The following PPP6R3 variants were observed in gnomAD, a reference collection of about 807,000 sequenced individuals.
PPP6R3 encodes serine/threonine-protein phosphatase 6 regulatory subunit 3.
In PPP6R3, 38 loss-of-function variants were observed where a neutral mutation model predicts 110.7. The ratio of observed to expected loss-of-function variants is 0.34; its 90% confidence interval spans 0.26 to 0.45. The LOEUF (loss-of-function observed/expected upper bound fraction) is 0.45, where lower values mean the gene tolerates loss of function less well. Ranked by LOEUF, PPP6R3 falls within the 20% of genes least tolerant of loss-of-function variation. PPP6R3 has a pLI of 1.00. For synonymous variants in PPP6R3, 369 were observed against 373.5 expected, an observed-to-expected ratio of 0.99 and a Z score of 0.14; for missense variants, 870 against 1,062.4, an observed-to-expected ratio of 0.82 and a Z score of 2.52.
At chr11:68,535,684 CG>C (rs1184623734) in intron 2 of PPP6R3, among the ~76,000 whole-genome samples, 2 of 151,460 alleles carry the variant, frequency 1.3e-5, no homozygotes, top group African/African-American at 4.9e-5. Flanking sequence ...TCTGCTTGGC[CG>C]GGCACGGTAA....
At chr11:68,491,995 C>T (rs368773007) in intron 1 of PPP6R3, among the ~76,000 whole-genome samples, 2 of 152,190 alleles carry the variant, frequency 1.3e-5, no homozygotes, top group African/African-American at 4.8e-5. Context: ...CTCCTGCTCC[C>T]GCCCAGACCC....
chr11:68,534,372 A>G (rs913360104), intron 2 of PPP6R3, among the ~76,000 whole-genome samples: 4 of 152,136 alleles, frequency 2.6e-5, no homozygotes, highest in African/African-American at 4.8e-5. Flanking sequence ...TTTTTTCTTA[A>G]AACAACCCTT....
chr11:68,581,975 C>G (rs2099556395), intron 14 of PPP6R3, among the ~76,000 whole-genome samples: 1 of 152,176 alleles, frequency 6.6e-6, no homozygotes, highest in Non-Finnish European at 1.5e-5. Flanking sequence ...CTTGTTCAGG[C>G]AGTGATTTGC....
At chr11:68,507,982 G>T (rs1163760635) in intron 1 of PPP6R3, among the ~76,000 whole-genome samples, 1 of 151,814 alleles carries the variant, frequency 6.6e-6, no homozygotes, top group Non-Finnish European at 1.5e-5. Context: ...GAGGTGGGAG[G>T]ATTGCTTGAG....
At chr11:68,530,700 G>A (rs1211975149) in intron 2 of PPP6R3, among the ~76,000 whole-genome samples, 1 of 152,204 alleles carries the variant, frequency 6.6e-6, no homozygotes, top group East Asian at 1.9e-4. Context: ...ATGCTCTCCT[G>A]TTTGGGTTCT....
intron 1 of PPP6R3, among the ~76,000 whole-genome samples, chr11:68,506,671 A>G (rs1436070288): frequency 1.3e-5 from 2 of 151,890 alleles, no homozygotes; most frequent in African/African-American, 4.8e-5. Context: ...TATCTCAAAG[A>G]AAAAAAACCC....
At chr11:68,548,638 C>G (rs757753552) in intron 5 of PPP6R3, among the ~76,000 whole-genome samples, 1 of 152,036 alleles carries the variant, frequency 6.6e-6, no homozygotes, top group Non-Finnish European at 1.5e-5. Flanking sequence ...GTTGATGTAT[C>G]CAGGGATTCA....
intron 1 of PPP6R3, among the ~76,000 whole-genome samples, chr11:68,477,740 AAATATATATATATAT>A (rs1591685285): frequency 1.4e-5 from 1 of 70,634 alleles, no homozygotes; most frequent in South Asian, 5.3e-4. Context: ...AAAAAAAAAA[AAATATATATATATAT>A]ATATATATAT....
intron 13 of PPP6R3, 66 bp from the exon 14 acceptor site, chr11:68,575,892 T>G: frequency 8.2e-7 from 1 of 1,224,422 alleles, no homozygotes; most frequent in Non-Finnish European, 1.2e-6. Context: ...TATTACCTGC[T>G]TACTTTATTT....
At chr11:68,550,603 CTG>C (rs1370969755) in intron 5 of PPP6R3, among the ~76,000 whole-genome samples, 1 of 152,194 alleles carries the variant, frequency 6.6e-6, no homozygotes, top group Non-Finnish European at 1.5e-5. Context: ...AACTCTGCCT[CTG>C]TGCTTCCTCC....
In PPP6R3 at chr11:68,588,016, C is replaced by T. The variant is rs1486073222; in HGVS notation, c.1722C>T (p.Asp574=). The T allele has an allele frequency of 7.4e-6, 12 of 1,613,208 alleles. No homozygotes were observed. Among genetic ancestry groups the T allele is most frequent in the Non-Finnish European group, 1.0e-5 (12 of 1,179,238 alleles). ...ATGAGAAGTTTGCAGATCAAGATGA[C>T]ATTGGCAAGTGAGTATGTTTTTCTG... ...FNDEKFADQD[D]IGNVSFDRVS... is the part of the protein sequence containing the mutation. The change falls in exon 16 of 24, where the codon GAC becomes GAT. Residue 574 remains aspartate, a synonymous_variant. Transcript: ENST00000393800.
intron 1 of PPP6R3, among the ~76,000 whole-genome samples, chr11:68,464,237 G>A (rs10047483): frequency 0.31 from 46,407 of 151,906 alleles, 7,835 homozygotes; most frequent in African/African-American, 0.44. Flanking sequence ...GGTTCAAGCA[G>A]TTCTCTGCCT....
chr11:68,537,503 G>T (rs755691760), intron 2 of PPP6R3, among the ~76,000 whole-genome samples, 156 bp from the exon 3 acceptor site: 2 of 152,040 alleles, frequency 1.3e-5, no homozygotes, highest in African/African-American at 2.4e-5. Context: ...TGCCAGTAAC[G>T]CATTAAAAAG....
intron 1 of PPP6R3, among the ~76,000 whole-genome samples, chr11:68,517,400 A>G (rs958549987): frequency 1.3e-5 from 2 of 152,192 alleles, no homozygotes; most frequent in Admixed American, 6.5e-5. Flanking sequence ...TGACAGCCTC[A>G]GTATCTATGA....
chr11:68,469,381 G>T (rs2098772865), intron 1 of PPP6R3, among the ~76,000 whole-genome samples: 1 of 151,834 alleles, frequency 6.6e-6, no homozygotes, highest in Non-Finnish European at 1.5e-5. Flanking sequence ...TCCCAGGCTA[G>T]AGTGCAGTGG....
At chr11:68,478,423 A>C (rs1253938620) in intron 1 of PPP6R3, among the ~76,000 whole-genome samples, 1 of 152,090 alleles carries the variant, frequency 6.6e-6, no homozygotes, top group African/African-American at 2.4e-5. Context: ...TTTTCCCACT[A>C]AAGTATATAT....
intron 19 of PPP6R3, 85 bp from the exon 20 acceptor site, chr11:68,600,256 T>A (rs2099627655): frequency 6.9e-7 from 1 of 1,456,378 alleles, no homozygotes; most frequent in Non-Finnish European, 9.6e-7. Context: ...TCCAGTCTCT[T>A]TTGCTAATGT....
chr11:68,509,401 C>T (rs183268752), intron 1 of PPP6R3, among the ~76,000 whole-genome samples: 1 of 151,778 alleles, frequency 6.6e-6, no homozygotes, highest in Admixed American at 6.6e-5. Context: ...CTGACTTCTC[C>T]TTCACCATCA....
chr11:68,577,381 C>T (rs977575597), intron 14 of PPP6R3, among the ~76,000 whole-genome samples: 1 of 152,146 alleles, frequency 6.6e-6, no homozygotes, highest in Non-Finnish European at 1.5e-5. Flanking sequence ...ACGTTGATTC[C>T]TTTGCAGGCA....
Sources: allele counts gnomAD v4.1 joint callset (sites outside exome capture counted in the v4.1 genomes callset), GRCh38; gene constraint gnomAD v4.1.1; transcripts MANE v1.5; gene names NCBI Gene and HGNC (gene_info 2026-07-23, HGNC 2026-07-21).